The following LPCAT2 variants were observed in gnomAD, a reference collection of about 807,000 sequenced individuals.
LPCAT2 encodes lysophosphatidylcholine acyltransferase 2, also known as 1-AGP acyltransferase 11.
Under a neutral mutation model 64.7 loss-of-function variants are expected in LPCAT2, and 58 were observed. The observed-to-expected ratio is 0.90, with a 90% CI of 0.73 to 1.12. LPCAT2 has a LOEUF of 1.12. Ranked by LOEUF, LPCAT2 falls within the 50% of genes most tolerant of loss-of-function variation. The probability of loss-of-function intolerance (pLI) is 0.00; values close to 1 mark genes in which losing one functional copy is unlikely to be tolerated. For missense variants in LPCAT2, 579 were observed against 669.8 expected (o/e 0.86, Z 1.50); for synonymous variants, 252 against 245.3 (o/e 1.03, Z -0.26).
At chr16:55,575,827 T>C (rs1340798123) in intron 12 of LPCAT2, among the ~76,000 whole-genome samples, 3 of 152,240 alleles carry the variant, frequency 2.0e-5, no homozygotes, top group African/African-American at 7.2e-5. Context: ...GCCAGGCTTA[T>C]AAAGAACCTA....
At chr16:55,550,465 T>C (rs1443645026) in intron 10 of LPCAT2, among the ~76,000 whole-genome samples, 14 of 152,328 alleles carry the variant, frequency 9.2e-5, no homozygotes, top group African/African-American at 2.9e-4. Flanking sequence ...TAATACAGAC[T>C]ATGGACTCAC....
chr16:55,537,523 A>G lies in LPCAT2; in HGVS notation c.798-55A>G, dbSNP rs73549581. On this transcript the variant is annotated intron_variant, in intron 7 of 13. Transcript: ENST00000262134. The stretch of plus-strand genomic sequence containing the variant: ...TATAAAGAAATGATTGTTGAATAAT[A>G]TAAGATGATACTTGCATGACTGTAT... The G allele has an allele frequency of 4.2e-3, 5,615 of 1,342,442 alleles. 69 individuals are homozygous for G. Among genetic ancestry groups the G allele is most frequent in the African/African-American group, 0.039 (2,667 of 68,590 alleles). The allele number at this position is 1,342,442 out of a possible 1,614,324, so 83.2% of individuals were successfully genotyped here. A position where few individuals can be genotyped will look rare whatever the true frequency, so the allele number is the denominator to read the frequency against.
At chr16:55,536,937 T>C (rs1225598082) in intron 7 of LPCAT2, among the ~76,000 whole-genome samples, 2 of 152,244 alleles carry the variant, frequency 1.3e-5, no homozygotes, top group Non-Finnish European at 2.9e-5. Context: ...ACTAAAACAT[T>C]TATTAATAAC....
intron 11 of LPCAT2, among the ~76,000 whole-genome samples, chr16:55,558,318 C>G (rs1395670398): frequency 6.6e-6 from 1 of 152,220 alleles, no homozygotes; most frequent in Non-Finnish European, 1.5e-5. Flanking sequence ...ACAGTTATAA[C>G]AATGTCTTGC....
chr16:55,544,283 TC>T (rs1963429013), intron 8 of LPCAT2, among the ~76,000 whole-genome samples: 1 of 152,224 alleles, frequency 6.6e-6, no homozygotes, highest in Non-Finnish European at 1.5e-5. Context: ...TCTTTATTTA[TC>T]AAATGGAAGT....
chr16:55,520,650 TA>T (rs1385260527), intron 1 of LPCAT2, among the ~76,000 whole-genome samples: 2 of 151,960 alleles, frequency 1.3e-5, no homozygotes, highest in African/African-American at 4.8e-5. Flanking sequence ...TTTGAAATAT[TA>T]CAGAGAATAT....
At chr16:55,525,433 A>G (rs1010366862) in intron 1 of LPCAT2, 75 bp from the exon 2 acceptor site, 114 of 1,369,128 alleles carry the variant, frequency 8.3e-5, no homozygotes, top group Non-Finnish European at 1.1e-4. Context: ...AAACTTTCCT[A>G]TTACATGTTT....
chr16:55,510,299 A>G (rs1257754575), intron 1 of LPCAT2, among the ~76,000 whole-genome samples: 6 of 152,164 alleles, frequency 3.9e-5, no homozygotes, highest in African/African-American at 1.4e-4. Flanking sequence ...ACTGTTATGC[A>G]CAAAGGAAGT....
Position 55,583,644 on chromosome 16 carries a change from C to G in LPCAT2, c.*546C>G. 6.6e-6 allele frequency: 1 copy of G among 152,644 alleles called. No homozygotes were observed. Among genetic ancestry groups the G allele is most frequent in the Non-Finnish European group, 1.5e-5 (1 of 68,472 alleles). 9.5% of individuals were successfully genotyped at this position (152,644 alleles called of 1,614,324 possible). A position where few individuals can be genotyped will look rare whatever the true frequency, so the allele number is the denominator to read the frequency against. On this transcript the variant is annotated 3_prime_UTR_variant, in exon 14 of 14. Transcript: ENST00000262134. ...CTAATTAGACGCAGCTTCTTAAGAA[C>G]TTATATTCTCTTTGACATACATCTC...
intron 1 of LPCAT2, among the ~76,000 whole-genome samples, chr16:55,512,433 A>G (rs1417271658): frequency 2.0e-5 from 3 of 151,882 alleles, no homozygotes; most frequent in South Asian, 4.1e-4. Flanking sequence ...ACATTACCCC[A>G]GCCCCTTTTT....
At chr16:55,545,341 C>T (rs1365768858) in intron 8 of LPCAT2, 1 of 158,712 alleles carries the variant, frequency 6.3e-6, no homozygotes, top group Non-Finnish European at 1.4e-5. Context: ...AAAAAGTTTT[C>T]ACATAAAGGG....
intron 12 of LPCAT2, among the ~76,000 whole-genome samples, chr16:55,578,569 T>G (rs571128896): frequency 6.6e-6 from 1 of 152,310 alleles, no homozygotes; most frequent in South Asian, 2.1e-4. Flanking sequence ...TTCCTGCCTC[T>G]GGTTTTATCA....
At chr16:55,518,778 C>T (rs576789561) in intron 1 of LPCAT2, among the ~76,000 whole-genome samples, 79 of 152,216 alleles carry the variant, frequency 5.2e-4, no homozygotes, top group Non-Finnish European at 1.0e-3. Flanking sequence ...AAAATTAACT[C>T]AAAGCAGATC....
At chr16:55,574,208 A>G (rs1358946213) in intron 11 of LPCAT2, among the ~76,000 whole-genome samples, 1 of 152,102 alleles carries the variant, frequency 6.6e-6, no homozygotes, top group Non-Finnish European at 1.5e-5. Flanking sequence ...CATGTGGAAG[A>G]TTGCTTAGTA....
At chr16:55,573,138 A>G (rs1963788925) in intron 11 of LPCAT2, among the ~76,000 whole-genome samples, 1 of 152,220 alleles carries the variant, frequency 6.6e-6, no homozygotes, top group Admixed American at 6.5e-5. Flanking sequence ...CTGCAGTAAG[A>G]TAAAGTAATA....
At chr16:55,556,605 G>A (rs963385851) in intron 11 of LPCAT2, among the ~76,000 whole-genome samples, 3 of 152,120 alleles carry the variant, frequency 2.0e-5, no homozygotes, top group Admixed American at 6.5e-5. Flanking sequence ...GTGAAACCCC[G>A]TCTCTACTAA....
At chr16:55,521,212 T>G (rs922240555) in intron 1 of LPCAT2, among the ~76,000 whole-genome samples, 3 of 151,830 alleles carry the variant, frequency 2.0e-5, no homozygotes, top group African/African-American at 7.2e-5. Flanking sequence ...ATTAACAACT[T>G]TATGCCAGTA....
At chr16:55,569,321 G>T (rs1963744128) in intron 11 of LPCAT2, among the ~76,000 whole-genome samples, 1 of 152,152 alleles carries the variant, frequency 6.6e-6, no homozygotes, top group Non-Finnish European at 1.5e-5. Context: ...GGTCTGGTGT[G>T]CTACTTAGAC....
chr16:55,531,945 A>T lies in LPCAT2; in HGVS notation c.674A>T (p.Asn225Ile). Reference sequence around the variant, plus strand: ...GTTTTCCCAGAAGGTACTTGTACTAATCGTTCCTGTTTGATTACTTTTAAA... The same window carrying T: ...GTTTTCCCAGAAGGTACTTGTACTATTCGTTCCTGTTTGATTACTTTTAAA... ...ILVFPEGTCT[N>I]RSCLITFKPG... Residue 225 changes from asparagine to isoleucine, a missense_variant, in exon 5 of 14, where the codon AAT (asparagine) becomes ATT (isoleucine). Physicochemically the swap from Asn to Ile is moderately radical, Grantham distance 149 (BLOSUM62 -3). Coordinates refer to ENST00000262134, the MANE Select transcript of LPCAT2 (RefSeq NM_017839.5). The T allele has an allele frequency of 6.3e-7, 1 of 1,592,172 alleles. No homozygotes were observed. Among genetic ancestry groups the T allele is most frequent in the Non-Finnish European group, 8.6e-7 (1 of 1,160,836 alleles).
Sources: allele counts gnomAD v4.1 joint callset (sites outside exome capture counted in the v4.1 genomes callset), GRCh38; gene constraint gnomAD v4.1.1; transcripts MANE v1.5; gene names NCBI Gene and HGNC (gene_info 2026-07-23, HGNC 2026-07-21).